Variants in ARPC2 observed in about 807,000 individuals in gnomAD.
ARPC2 encodes the protein actin related protein 2/3 complex subunit 2.
In ARPC2, 4 loss-of-function variants were observed where a neutral mutation model predicts 38.6. The ratio of observed to expected loss-of-function variants is 0.10; its 90% CI spans 0.05 to 0.24. The LOEUF (loss-of-function observed/expected upper bound fraction) is 0.24, where lower values mean the gene tolerates loss of function less well. ARPC2 is among the 10% of genes least tolerant of loss of function. ARPC2 has a pLI of 1.00. For synonymous variants in ARPC2, 125 were observed against 140.8 expected, an observed-to-expected ratio of 0.89 and a Z score of 0.79; for missense variants, 229 against 387.3, an observed-to-expected ratio of 0.59 and a Z score of 3.43.
At chr2:218,248,299 C>T (rs1392862579) in intron 8 of ARPC2, among the ~76,000 whole-genome samples, 1 of 152,232 alleles carries the variant, frequency 6.6e-6, no homozygotes, top group Non-Finnish European at 1.5e-5. Context: ...AAATTCCACA[C>T]TTCCTTAGGA....
intron 5 of ARPC2, among the ~76,000 whole-genome samples, chr2:218,237,388 G>A (rs751292447): frequency 2.6e-5 from 4 of 151,652 alleles, no homozygotes; most frequent in Admixed American, 6.6e-5. Flanking sequence ...TATTAGAGAC[G>A]GGGTTTTGCC....
At chr2:218,239,649 A>G in intron 7 of ARPC2, 165 bp downstream of exon 7, 1 of 595,708 alleles carries the variant, frequency 1.7e-6, no homozygotes, top group South Asian at 2.1e-5. Context: ...GCTGGAGTGC[A>G]ATGGAGTGAT....
chr2:218,252,878 A>G, intron 10 of ARPC2: 1 of 456,404 alleles, frequency 2.2e-6, no homozygotes, highest in East Asian at 6.9e-5. Flanking sequence ...CTTAAAATGA[A>G]CAGACTGTTC....
chr2:218,218,772 G>A (rs1689318119), intron 2 of ARPC2, among the ~76,000 whole-genome samples: 1 of 152,200 alleles, frequency 6.6e-6, no homozygotes, highest in South Asian at 2.1e-4. Flanking sequence ...TGAATATATA[G>A]TATGTCCTGT....
chr2:218,219,416 C>A (rs141522469), intron 2 of ARPC2, among the ~76,000 whole-genome samples: 73 of 150,984 alleles, frequency 4.8e-4, no homozygotes, highest in African/African-American at 1.7e-3. Flanking sequence ...GTGGCGCGAT[C>A]TCTGCTCACT....
At chr2:218,242,020 G>A (rs1475859990) in intron 7 of ARPC2, among the ~76,000 whole-genome samples, 1 of 152,226 alleles carries the variant, frequency 6.6e-6, no homozygotes, top group Non-Finnish European at 1.5e-5. Context: ...GTTGTACCCT[G>A]AGAACACTAT....
intron 2 of ARPC2, among the ~76,000 whole-genome samples, chr2:218,220,654 C>G (rs1228251283): frequency 6.6e-6 from 1 of 150,926 alleles, no homozygotes; most frequent in Non-Finnish European, 1.5e-5. Context: ...CCTGCTGGAT[C>G]TTCTCACCAG....
chr2:218,232,577 G>A (rs1169083754), intron 4 of ARPC2, among the ~76,000 whole-genome samples: 4 of 138,482 alleles, frequency 2.9e-5, no homozygotes, highest in Admixed American at 7.3e-5. Context: ...TTTTTGAGAC[G>A]GAGTCTTGCT....
Position 218,239,457 on chromosome 2 carries a change from T to C in ARPC2, c.522T>C (p.Asp174=), listed in dbSNP as rs1164413869. ...VFSTVFKDDD[D]VVIGKVFMQE... is the part of the protein sequence containing the mutation. Reference sequence around the variant, plus strand: ...GCACAGTGTTTAAGGATGACGACGATGTGGTCATTGGAAAGGTGTTCATGC... The same window carrying C: ...GCACAGTGTTTAAGGATGACGACGACGTGGTCATTGGAAAGGTGTTCATGC... The change falls in exon 7 of 11, where the codon GAT becomes GAC. Residue 174 remains aspartate (D), a synonymous_variant. Transcript: ENST00000315717. The C allele has an allele frequency of 1.2e-6, 2 of 1,614,106 alleles. No individual in the cohort carries two copies. Among genetic ancestry groups the C allele is most frequent in the African/African-American group, 1.3e-5 (1 of 75,038 alleles).
chr2:218,254,036 A>G lies in ARPC2; in HGVS notation c.*121A>G, dbSNP rs943928958. On this transcript the variant is annotated 3_prime_UTR_variant, in exon 11 of 11. Transcript: ENST00000315717. ...TTAAGGGATTCTCCGTTTTGGTTCC[A>G]TTTTGTACACGTTTGGAAAATAATC... is the stretch of plus-strand genomic sequence containing the variant. The G allele has an allele frequency of 7.4e-7, 1 of 1,348,238 alleles. No homozygotes were observed. The highest frequency in any genetic ancestry group is 1.0e-6 in the Non-Finnish European group (1 of 960,428). The allele number at this position is 1,348,238 out of a possible 1,614,324, so 83.5% of individuals were successfully genotyped here. A position where few individuals can be genotyped will look rare whatever the true frequency, so the allele number is the denominator to read the frequency against.
Position 218,228,766 on chromosome 2 carries a change from A to G in ARPC2, c.138A>G (p.Ser46=). The change falls in exon 4 of 11, where the codon TCA becomes TCG. Residue 46 remains serine (S), a synonymous_variant. Transcript: ENST00000315717. ...ADFDGVLYHI[S]NPNGDKTKVM... is the part of the protein sequence containing the mutation. ...TCGATGGGGTCCTCTATCATATTTC[A>G]AATCCTAATGGAGACAAAACAAAAG... 1 of 1,607,656 alleles carries G rather than the reference A, an allele frequency of 6.2e-7. No individual in the cohort carries two copies. Among genetic ancestry groups the G allele is most frequent in the Non-Finnish European group, 8.5e-7 (1 of 1,174,306 alleles).
At chr2:218,217,360 T>C (rs945085544) in intron 1 of ARPC2, 103 bp from the exon 2 acceptor site, 3 of 777,354 alleles carry the variant, frequency 3.9e-6, no homozygotes, top group Admixed American at 4.0e-5. Flanking sequence ...CCTAACCTCC[T>C]ACCCCACCCA....
At chr2:218,238,910 C>T in intron 6 of ARPC2, 60 bp downstream of exon 6, 3 of 1,322,654 alleles carry the variant, frequency 2.3e-6, no homozygotes, top group Middle Eastern at 3.8e-4. Context: ...ATGGCACTTA[C>T]TGAAAGAAAT....
chr2:218,253,753 C>T (rs1690249819), intron 10 of ARPC2, 138 bp from the exon 11 acceptor site: 6 of 1,074,424 alleles, frequency 5.6e-6, no homozygotes, highest in Non-Finnish European at 8.0e-6. Context: ...CCTGTGGTTC[C>T]AGTGCCTCTG....
chr2:218,238,892 A>G (rs747065426), intron 6 of ARPC2, 42 bp downstream of exon 6: 17 of 1,459,594 alleles, frequency 1.2e-5, no homozygotes, highest in African/African-American at 2.8e-5. Flanking sequence ...TATGGCTGCT[A>G]CACCACCATG....
At chr2:218,253,843 G>T in intron 10 of ARPC2, 48 bp from the exon 11 acceptor site, 9 of 1,608,730 alleles carry the variant, frequency 5.6e-6, no homozygotes, top group East Asian at 2.2e-5. Context: ...GGGGTGGGAG[G>T]AAAGGGCAGC....
intron 8 of ARPC2, among the ~76,000 whole-genome samples, chr2:218,248,054 A>G (rs1690089983): frequency 1.3e-5 from 2 of 151,938 alleles, no homozygotes; most frequent in South Asian, 4.2e-4. Flanking sequence ...TGCTGGGATT[A>G]CAGGCGTGTG....
chr2:218,233,992 C>T (rs964544611), intron 4 of ARPC2: 1 of 162,966 alleles, frequency 6.1e-6, no homozygotes, highest in African/African-American at 2.4e-5. Context: ...TGGAGAAACC[C>T]CATCTCAACT....
chr2:218,223,474 T>C (rs1284360801), intron 2 of ARPC2, among the ~76,000 whole-genome samples: 1 of 152,166 alleles, frequency 6.6e-6, no homozygotes, highest in Non-Finnish European at 1.5e-5. Flanking sequence ...TTCCTTTAAG[T>C]AAAAAAAGTG....
Sources: gnomAD v4.1 joint callset for allele counts (sites outside exome capture counted in the v4.1 genomes callset) on GRCh38, gnomAD v4.1.1 for gene constraint, MANE v1.5 for transcripts, NCBI Gene and HGNC (gene_info 2026-07-23, HGNC 2026-07-21) for gene names.